The following ATG4B variants were observed in gnomAD, a reference collection of about 807,000 sequenced individuals.
ATG4B encodes the protein autophagy related 4B cysteine peptidase.
A neutral mutation model predicts 56.6 loss-of-function variants in ATG4B; 29 were observed. That is an observed-to-expected ratio of 0.51 (90% CI 0.38 to 0.70). The LOEUF is 0.70. Among genes scored for constraint, ATG4B ranks in the 30% least tolerant of loss-of-function variants. The pLI, the probability that ATG4B is intolerant of heterozygous loss-of-function variation, is 0.00. For synonymous variants in ATG4B, 224 were observed against 206.1 expected (o/e 1.09, Z -0.74); for missense variants, 461 against 515.5 (o/e 0.89, Z 1.02).
In ATG4B at chr2:241,655,342, AAG is replaced by A; in HGVS notation, c.458_458+1del. On this transcript the variant is annotated splice_donor_variant and coding_sequence_variant, in exon 6 of 13. Transcript: ENST00000404914. LOFTEE classifies it high-confidence loss of function. ...GCCCAACACTGTCGCCCAGGTCCTGAAGTATGTACTGCGCTTCCACTGCTGAG... is the reference window on the plus strand; with the variant it reads ...GCCCAACACTGTCGCCCAGGTCCTGATATGTACTGCGCTTCCACTGCTGAG... 1 of 1,607,552 alleles carries A rather than the reference AAG, an allele frequency of 6.2e-7. No homozygotes were observed. Among genetic ancestry groups the A allele is most frequent in the Non-Finnish European group, 8.5e-7 (1 of 1,176,964 alleles).
rs1391652549 is a variant in ATG4B at position 241,646,491 on chromosome 2, C to A, written c.11-4519C>A. Among the ~76,000 whole-genome samples, 5 of 152,290 alleles carry A rather than the reference C, an allele frequency of 3.3e-5. No homozygotes were observed. The East Asian group carries it at 9.6e-4, about 29-fold the overall frequency. Reference sequence around the variant, plus strand: ...CTCCAAACTACCATGGTTTGACTTACAATTTTTTGACTTTACGATAGTGTG... The same window carrying A: ...CTCCAAACTACCATGGTTTGACTTAAAATTTTTTGACTTTACGATAGTGTG... On this transcript the variant is annotated intron_variant, in intron 1 of 12. Coordinates refer to ENST00000404914, the MANE Select transcript of ATG4B (RefSeq NM_013325.5).
chr2:241,655,515 T>G, intron 6 of ATG4B, 172 bp downstream of exon 6: 1 of 662,180 alleles, frequency 1.5e-6, no homozygotes, highest in Middle Eastern at 3.7e-4. Context: ...GAATAGGAAT[T>G]TATGTTTTCT....
At chr2:241,645,944 G>A (rs1356036281) in intron 1 of ATG4B, among the ~76,000 whole-genome samples, 3 of 152,194 alleles carry the variant, frequency 2.0e-5, no homozygotes, top group East Asian at 1.9e-4. Context: ...CATGGGTCAC[G>A]TTCGCCGTGG....
intron 1 of ATG4B, 153 bp downstream of exon 1, chr2:241,637,877 G>T (rs1204856540): frequency 4.1e-6 from 3 of 735,290 alleles, no homozygotes; most frequent in Non-Finnish European, 5.6e-6. Context: ...AGCGCGGGGC[G>T]GTGTTGGTGG....
At position 241,642,871 on chromosome 2, in the gene ATG4B, C is replaced by CTTTTTTTTTTTTTTTTTTTTTTTTT. The variant is rs1321613822; in HGVS notation, c.10+5147_10+5148insTTTTTTTTTTTTTTTTTTTTTTTTT. ...CTTAAGGTGTACAGCACCTCTCCGTCCTTTTTTTTTTTTTTTTTTTTTTTT... is the reference window on the plus strand; with the variant it reads ...CTTAAGGTGTACAGCACCTCTCCGTCTTTTTTTTTTTTTTTTTTTTTTTTTCTTTTTTTTTTTTTTTTTTTTTTTT... On this transcript the variant is annotated intron_variant, in intron 1 of 12. Transcript: ENST00000404914. 1.0e-4 allele frequency among the ~76,000 whole-genome samples: 10 copies of CTTTTTTTTTTTTTTTTTTTTTTTTT among 98,428 alleles called. 5 individuals carry two copies. In the South Asian group the frequency reaches 1.6e-3, roughly 15 times the overall value. 64.6% of individuals were successfully genotyped at this position (98,428 alleles called of 152,430 possible). A position where few individuals can be genotyped will look rare whatever the true frequency, so the allele number is the denominator to read the frequency against.
intron 8 of ATG4B, among the ~76,000 whole-genome samples, chr2:241,667,641 C>G (rs1575089217): frequency 6.6e-6 from 1 of 150,980 alleles, no homozygotes; most frequent in Admixed American, 6.6e-5. Flanking sequence ...AAGGGAAAAC[C>G]ATCCTTTCTT....
Position 241,670,743 on chromosome 2 carries a change from T to C in ATG4B, c.975T>C (p.Thr325=). 6.2e-7 allele frequency: 1 copy of C among 1,611,240 alleles called. No homozygotes were observed. Among genetic ancestry groups the C allele is most frequent in the Non-Finnish European group, 8.5e-7 (1 of 1,178,666 alleles). ...PSIAVGFFCK[T]EDDFNDWCQQ... is the part of the protein sequence containing the mutation. ...CGTTTTAGGGGTTTTTCTGTAAGAC[T>C]GAAGATGACTTCAATGATTGGTGCC... The change falls in exon 11 of 13, where the codon ACT becomes ACC. Residue 325 remains threonine (T), a synonymous_variant. Coordinates refer to ENST00000404914, the MANE Select transcript of ATG4B (RefSeq NM_013325.5).
intron 7 of ATG4B, among the ~76,000 whole-genome samples, chr2:241,662,852 G>A (rs1430262954): frequency 2.0e-5 from 3 of 150,986 alleles, no homozygotes; most frequent in East Asian, 1.9e-4. Context: ...AAAGTGGGCC[G>A]GGCGCGGTGG....
At chr2:241,653,394 G>A in intron 3 of ATG4B, 118 bp from the exon 4 acceptor site, 1 of 1,551,082 alleles carries the variant, frequency 6.4e-7, no homozygotes, top group Non-Finnish European at 8.7e-7. Flanking sequence ...AGGTGGAGCT[G>A]ATGGAGGAGG....
At chr2:241,642,189 G>C in intron 1 of ATG4B, among the ~76,000 whole-genome samples, 1 of 149,814 alleles carries the variant, frequency 6.7e-6, no homozygotes, top group East Asian at 1.9e-4. Context: ...TTCTTGAGAT[G>C]GAGTCTTGCT....
chr2:241,668,347 A>G lies in ATG4B; in HGVS notation c.811+126A>G, dbSNP rs537853544. The G allele has an allele frequency of 1.8e-5, 25 of 1,389,720 alleles. 1 individual carries two copies. The South Asian group carries it at 2.4e-4, about 13-fold the overall frequency. 86.1% of individuals were successfully genotyped at this position (1,389,720 alleles called of 1,614,324 possible). ...GGAAAAGCAGCATGCCCTGGGGTTC[A>G]TTTTCAGCCTGGTCGCGGGCGGCCT... On this transcript the variant is annotated intron_variant, in intron 9 of 12. Coordinates refer to ENST00000404914, the MANE Select transcript of ATG4B (RefSeq NM_013325.5). This position sits in a 1 kb window ranked among gnomAD's most constrained non-coding sequence, Gnocchi z 4.2.
At chr2:241,652,125 A>C in intron 3 of ATG4B, 1 of 381,512 alleles carries the variant, frequency 2.6e-6, no homozygotes, top group South Asian at 2.0e-5. Context: ...GTAGGGACAT[A>C]CGACAGTGTC....
intron 7 of ATG4B, among the ~76,000 whole-genome samples, chr2:241,662,371 C>T (rs894713634): frequency 2.6e-5 from 4 of 152,156 alleles, no homozygotes; most frequent in African/African-American, 4.8e-5. Context: ...TGAGAAAAGA[C>T]CTGGCTTCAT....
intron 3 of ATG4B, chr2:241,652,015 C>G (rs1264272523): frequency 7.8e-7 from 1 of 1,286,418 alleles, no homozygotes; most frequent in African/African-American, 1.5e-5. Context: ...AGTGCCAGGT[C>G]AGGGTTTGGT....
At chr2:241,647,622 C>CAAAAA (rs35875880) in intron 1 of ATG4B, among the ~76,000 whole-genome samples, 59 of 117,230 alleles carry the variant, frequency 5.0e-4, no homozygotes, top group Non-Finnish European at 7.2e-4. Flanking sequence ...GACTCCGTCT[C>CAAAAA]AAAAAAAAAA....
chr2:241,673,286 A>G lies in ATG4B; in HGVS notation c.*1022A>G, dbSNP rs2069042248. 1 of 338,086 alleles carries G rather than the reference A, an allele frequency of 3.0e-6. No homozygotes were observed. The highest frequency in any genetic ancestry group is 5.9e-6 in the Non-Finnish European group (1 of 169,596). The allele number at this position is 338,086 out of a possible 1,614,324, so 20.9% of individuals were successfully genotyped here. On this transcript the variant is annotated 3_prime_UTR_variant, in exon 13 of 13. Coordinates refer to ENST00000404914, the MANE Select transcript of ATG4B (RefSeq NM_013325.5). Reference sequence around the variant, plus strand: ...CTCAGCCCCGATTCCAGCACCCACCACCGCCTGACCCTGTGTAACCTGCTG... The same window carrying G: ...CTCAGCCCCGATTCCAGCACCCACCGCCGCCTGACCCTGTGTAACCTGCTG...
In ATG4B at chr2:241,654,290, A is replaced by G. The variant is rs142140995; in HGVS notation, c.284-256A>G. On this transcript the variant is annotated intron_variant, in intron 4 of 12. Transcript: ENST00000404914. ...ACAAAAATTAGCTAGGCTTGGTGAC[A>G]TGTGCCTGTAGTCCCAGCTACTCGG... 3.4e-3 allele frequency among the ~76,000 whole-genome samples: 521 copies of G among 151,772 alleles called. 10 individuals are homozygous for G. In the East Asian group the frequency reaches 0.059, roughly 17 times the overall value.
chr2:241,647,631 A>G (rs1314919874), intron 1 of ATG4B, among the ~76,000 whole-genome samples: 3 of 147,894 alleles, frequency 2.0e-5, no homozygotes, highest in Non-Finnish European at 4.4e-5. Flanking sequence ...TCAAAAAAAA[A>G]AAAAAAAAAA....
rs932617654 is a variant in ATG4B at position 241,673,692 on chromosome 2, C to T, written c.*1428C>T. ...GGGCTCCACGTCCGAGTTCATGGTG[C>T]GCCGCTGTGCTGGGAGCTGCAGTGG... On this transcript the variant is annotated 3_prime_UTR_variant, in exon 13 of 13. Coordinates refer to ENST00000404914, the MANE Select transcript of ATG4B (RefSeq NM_013325.5). 2.6e-5 allele frequency: 12 copies of T among 455,932 alleles called. No homozygotes were observed. Among genetic ancestry groups the T allele is most frequent in the African/African-American group, 1.0e-4 (5 of 50,132 alleles). 28.2% of individuals were successfully genotyped at this position (455,932 alleles called of 1,614,324 possible). A position where few individuals can be genotyped will look rare whatever the true frequency, so the allele number is the denominator to read the frequency against.
Sources: allele counts gnomAD v4.1 joint callset (sites outside exome capture counted in the v4.1 genomes callset), GRCh38; gene constraint gnomAD v4.1.1; non-coding constraint Gnocchi (gnomAD v3.1); transcripts MANE v1.5; gene names NCBI Gene and HGNC (gene_info 2026-07-23, HGNC 2026-07-21).